The following NDST4 variants were observed in gnomAD, a reference collection of about 807,000 sequenced individuals.
NDST4 encodes N-heparan sulfate sulfotransferase 4.
NDST4 carries 63 observed loss-of-function variants against 100.8 expected under a neutral mutation model. The ratio of observed to expected loss-of-function variants is 0.62; its 90% confidence interval spans 0.51 to 0.77. The LOEUF is 0.77. Among genes scored for constraint, NDST4 ranks in the 30% least tolerant of loss-of-function variants. The pLI is 0.00. For missense variants in NDST4, 943 were observed against 1,018.4 expected (o/e 0.93, Z 1.01); for synonymous variants, 377 against 361.8 (o/e 1.04, Z -0.48).
rs1021424240 is a variant in NDST4 at position 114,847,183 on chromosome 4, C to T, written c.1940+1032G>A. ...CGAGGTCAGGAGATCGAGACCATCC[C>T]GGCTAAAACGGTGAAACCCCGTCTC... On this transcript the variant is annotated intron_variant, in intron 9 of 13. Coordinates refer to ENST00000264363, the MANE Select transcript of NDST4 (RefSeq NM_022569.3). Among the ~76,000 whole-genome samples, 6 of 131,322 alleles carry T rather than the reference C, an allele frequency of 4.6e-5. 1 individual carries two copies. The highest frequency in any genetic ancestry group is 8.1e-5 in the African/African-American group (2 of 24,584). The allele number at this position is 131,322 out of a possible 152,430, so 86.2% of individuals were successfully genotyped here.
chr4:114,897,227 C>T (rs1325451241), intron 6 of NDST4, among the ~76,000 whole-genome samples: 2 of 152,176 alleles, frequency 1.3e-5, no homozygotes, highest in East Asian at 3.9e-4. Flanking sequence ...TTCTTTACTC[C>T]ACCTTTTCAT....
intron 10 of NDST4, among the ~76,000 whole-genome samples, chr4:114,843,429 C>T (rs1723474563): frequency 6.6e-6 from 1 of 152,172 alleles, no homozygotes; most frequent in Admixed American, 6.5e-5. Context: ...TACTACAGAT[C>T]ATGTTTTCTC....
intron 1 of NDST4, among the ~76,000 whole-genome samples, chr4:115,097,639 C>G (rs771327086): frequency 2.0e-5 from 3 of 152,132 alleles, no homozygotes; most frequent in Non-Finnish European, 4.4e-5. Context: ...TGCCTAAGCC[C>G]TTGCTCCACA....
chr4:114,968,008 T>G (rs566688152), intron 4 of NDST4, among the ~76,000 whole-genome samples: 2 of 152,148 alleles, frequency 1.3e-5, no homozygotes, highest in Non-Finnish European at 2.9e-5. Context: ...AGTCATTTGT[T>G]CAAGGTCAAG....
chr4:114,954,780 T>C (rs1407174727), intron 4 of NDST4, among the ~76,000 whole-genome samples: 1 of 152,084 alleles, frequency 6.6e-6, no homozygotes, highest in African/African-American at 2.4e-5. Context: ...TGGTAGGAGG[T>C]GATTGGATAA....
chr4:114,999,278 C>T (rs935141264), intron 2 of NDST4, among the ~76,000 whole-genome samples: 9 of 151,944 alleles, frequency 5.9e-5, no homozygotes, highest in African/African-American at 2.2e-4. Context: ...CTTCTGAGTC[C>T]TTGTAGGAGC....
intron 2 of NDST4, among the ~76,000 whole-genome samples, chr4:115,072,870 A>G (rs1406944435): frequency 6.6e-6 from 1 of 152,038 alleles, no homozygotes; most frequent in Non-Finnish European, 1.5e-5. Flanking sequence ...ACAGCAATGG[A>G]AGCAACAGAG....
chr4:115,096,565 T>G (rs1729625004), intron 1 of NDST4, among the ~76,000 whole-genome samples: 1 of 151,960 alleles, frequency 6.6e-6, no homozygotes, highest in Non-Finnish European at 1.5e-5. Context: ...TTAGGATGAG[T>G]TATCCATTCT....
At chr4:114,929,113 CATCT>C (rs70964332) in intron 6 of NDST4, among the ~76,000 whole-genome samples, 2,385 of 116,036 alleles carry the variant, frequency 0.021, 32 homozygotes, top group African/African-American at 0.039. Context: ...TCCATCCATC[CATCT>C]ATCTATCTAT....
chr4:114,850,695 C>A (rs1723657263), intron 8 of NDST4, among the ~76,000 whole-genome samples: 1 of 152,058 alleles, frequency 6.6e-6, no homozygotes, highest in Non-Finnish European at 1.5e-5. Context: ...GTAAGCCAGG[C>A]AAATCATGAG....
intron 2 of NDST4, among the ~76,000 whole-genome samples, chr4:115,040,426 T>C (rs1728325953): frequency 2.0e-5 from 3 of 151,256 alleles, no homozygotes; most frequent in Non-Finnish European, 4.4e-5. Context: ...CTAAGACTGC[T>C]GTGTTCATAT....
At chr4:114,934,427 G>T (rs1357098383) in intron 6 of NDST4, among the ~76,000 whole-genome samples, 1 of 151,846 alleles carries the variant, frequency 6.6e-6, no homozygotes, top group Non-Finnish European at 1.5e-5. Flanking sequence ...GGTGGCAGGC[G>T]CCTGTAGTCC....
chr4:114,876,421 TA>T (rs1290716496), intron 6 of NDST4, among the ~76,000 whole-genome samples: 3 of 152,192 alleles, frequency 2.0e-5, no homozygotes, highest in African/African-American at 2.4e-5. Context: ...ATTTTTCTTA[TA>T]AAAGGTAATT....
chr4:115,061,444 TA>T (rs1728817686), intron 2 of NDST4, among the ~76,000 whole-genome samples: 1 of 151,970 alleles, frequency 6.6e-6, no homozygotes, highest in Non-Finnish European at 1.5e-5. Flanking sequence ...TATGCAGCCA[TA>T]AAAAAGAATG....
chr4:115,101,928 T>TA (rs1560600820), intron 1 of NDST4, among the ~76,000 whole-genome samples: 1 of 152,148 alleles, frequency 6.6e-6, no homozygotes, highest in South Asian at 2.1e-4. Flanking sequence ...TTTTAGCCAT[T>TA]AAAAAATGAG....
At position 114,959,291 on chromosome 4, in the gene NDST4, G is replaced by C. The variant is rs186915544; in HGVS notation, c.1221+11139C>G. ...GTTCCAAAGTCACATCCACAATTTT[G>C]GGTATACTTCTAGCAGTACTCCACT... On this transcript the variant is annotated intron_variant, in intron 4 of 13. Coordinates refer to ENST00000264363, the MANE Select transcript of NDST4 (RefSeq NM_022569.3). Among the ~76,000 whole-genome samples the C allele has an allele frequency of 9.9e-5, 15 of 151,408 alleles. No individual in the cohort carries two copies. The East Asian group carries it at 2.9e-3, about 29-fold the overall frequency.
At chr4:114,940,603 T>C (rs910151243) in intron 4 of NDST4, among the ~76,000 whole-genome samples, 2 of 152,182 alleles carry the variant, frequency 1.3e-5, no homozygotes, top group Non-Finnish European at 2.9e-5. Flanking sequence ...AGTTGCACTG[T>C]GCTCTTTTAG....
At chr4:114,967,290 T>G (rs1174756231) in intron 4 of NDST4, among the ~76,000 whole-genome samples, 1 of 152,152 alleles carries the variant, frequency 6.6e-6, no homozygotes, top group African/African-American at 2.4e-5. Context: ...ATGGACTTCA[T>G]TTTAGTCGTA....
chr4:115,050,942 G>A lies in NDST4; in HGVS notation c.978+25117C>T, dbSNP rs537471972. Among the ~76,000 whole-genome samples the A allele has an allele frequency of 1.1e-4, 17 of 151,986 alleles. No individual in the cohort carries two copies. The East Asian group carries it at 2.5e-3, about 22-fold the overall frequency. On this transcript the variant is annotated intron_variant, in intron 2 of 13. Coordinates refer to ENST00000264363, the MANE Select transcript of NDST4 (RefSeq NM_022569.3). ...AACTCTATTCCAGGAGAAAATCCCCGGATTAATCAGTGAAAATAGCTTCTC... is the reference window on the plus strand; with the variant it reads ...AACTCTATTCCAGGAGAAAATCCCCAGATTAATCAGTGAAAATAGCTTCTC...
Sources: allele counts gnomAD v4.1 joint callset (sites outside exome capture counted in the v4.1 genomes callset), GRCh38; gene constraint gnomAD v4.1.1; transcripts MANE v1.5; gene names NCBI Gene and HGNC (gene_info 2026-07-23, HGNC 2026-07-21).